The following PTPRN2 variants were observed in gnomAD, a reference collection of about 807,000 sequenced individuals.
The protein encoded by PTPRN2 is receptor-type tyrosine-protein phosphatase N2.
In PTPRN2, 74 loss-of-function variants were observed where a neutral mutation model predicts 118.8. That is an observed-to-expected ratio of 0.62 (90% CI 0.52 to 0.76). The LOEUF is 0.76. Among genes scored for constraint, PTPRN2 ranks in the 30% least tolerant of loss-of-function variants. The probability of loss-of-function intolerance (pLI) is 0.00; values close to 1 mark genes in which losing one functional copy is unlikely to be tolerated. For missense variants in PTPRN2, 1,481 were observed against 1,394.4 expected (o/e 1.06, Z -0.99); for synonymous variants, 641 against 608.0 (o/e 1.05, Z -0.80).
chr7:158,122,243 A>C (rs964191837), intron 9 of PTPRN2, among the ~76,000 whole-genome samples: 2 of 152,180 alleles, frequency 1.3e-5, no homozygotes, highest in African/African-American at 4.8e-5. Context: ...AGAGTCTTTC[A>C]GTTCTGAAGG....
At chr7:157,905,951 C>T (rs1357710571) in intron 11 of PTPRN2, among the ~76,000 whole-genome samples, 1 of 152,188 alleles carries the variant, frequency 6.6e-6, no homozygotes, top group Non-Finnish European at 1.5e-5. Context: ...AGACCTGCAT[C>T]CTGTGCCTCA....
At position 157,587,916 on chromosome 7, in the gene PTPRN2, G is replaced by A. The variant is rs1800767074; in HGVS notation, c.2496+7322C>T. Among the ~76,000 whole-genome samples the A allele has an allele frequency of 6.6e-6, 1 of 150,960 alleles. No homozygotes were observed. The highest frequency in any genetic ancestry group is 2.1e-4 in the South Asian group (1 of 4,736). Reference sequence around the variant, plus strand: ...CCAAGGTGGCTGTCCCCGTGCCTGGGCTCCCGCGGTGGCTGTCCCCGTGCC... The same window carrying A: ...CCAAGGTGGCTGTCCCCGTGCCTGGACTCCCGCGGTGGCTGTCCCCGTGCC... On this transcript the variant is annotated intron_variant, in intron 17 of 22. Coordinates refer to ENST00000389418, the MANE Select transcript of PTPRN2 (RefSeq NM_002847.5). This position sits in a 1 kb window ranked among gnomAD's most constrained non-coding sequence, Gnocchi z 5.3.
At chr7:157,692,647 G>A (rs757487589) in intron 12 of PTPRN2, among the ~76,000 whole-genome samples, 9 of 152,222 alleles carry the variant, frequency 5.9e-5, no homozygotes, top group Non-Finnish European at 1.3e-4. Flanking sequence ...GCCTCGCATC[G>A]GGCCATGGTT....
Position 157,787,971 on chromosome 7 carries a change from A to G in PTPRN2, c.1789-105034T>C, listed in dbSNP as rs1003100356. Among the ~76,000 whole-genome samples the G allele has an allele frequency of 1.3e-5, 2 of 152,170 alleles. No homozygotes were observed. Among genetic ancestry groups the G allele is most frequent in the South Asian group, 4.1e-4 (2 of 4,824 alleles). On this transcript the variant is annotated intron_variant, in intron 12 of 22. Coordinates refer to ENST00000389418, the MANE Select transcript of PTPRN2 (RefSeq NM_002847.5). The surrounding 1 kb of genome is among the most constrained non-coding windows in gnomAD (Gnocchi z 5.3). ...GGGAGCCAGCACCGGGTCCCCTGGG[A>G]ACCACGCAGCCGGGGCCTGGAGGCC...
intron 11 of PTPRN2, among the ~76,000 whole-genome samples, chr7:157,909,006 A>C (rs1353012099): frequency 6.6e-6 from 1 of 152,182 alleles, no homozygotes; most frequent in East Asian, 1.9e-4. Context: ...TAAACAATCT[A>C]ATTAGTGACT....
At chr7:158,326,715 C>T (rs1467741397) in intron 2 of PTPRN2, among the ~76,000 whole-genome samples, 2 of 151,478 alleles carry the variant, frequency 1.3e-5, no homozygotes, top group African/African-American at 4.9e-5. Context: ...CACACATGCT[C>T]TCACATGCAT....
At chr7:157,789,539 G>T (rs917646478) in intron 12 of PTPRN2, among the ~76,000 whole-genome samples, 1 of 152,260 alleles carries the variant, frequency 6.6e-6, no homozygotes, top group Non-Finnish European at 1.5e-5. Context: ...CTTCAAAAGT[G>T]TTACCTGACA....
chr7:158,541,529 G>A, intron 1 of PTPRN2: 1 of 1,352,130 alleles, frequency 7.4e-7, no homozygotes, highest in Non-Finnish European at 9.8e-7. Flanking sequence ...TGGGCAAGGT[G>A]TGGCTCACAC....
chr7:158,250,951 C>T (rs899943972), intron 3 of PTPRN2, among the ~76,000 whole-genome samples: 3 of 151,702 alleles, frequency 2.0e-5, no homozygotes, highest in Admixed American at 6.6e-5. Flanking sequence ...GGTGAAATTA[C>T]GCACAGTGAG....
chr7:158,582,796 CAAAAAAAA>C (rs1156687117), intron 1 of PTPRN2, among the ~76,000 whole-genome samples: 7 of 44,318 alleles, frequency 1.6e-4, no homozygotes, highest in Admixed American at 6.4e-4. Context: ...GACTCCATCT[CAAAAAAAA>C]AAAAAAAAAA....
Position 157,898,563 on chromosome 7 carries a change from G to A in PTPRN2, c.1788+110C>T. ...GCCCACTGGTCCTCCCAGGAAAACA[G>A]GACCTTGGCTGAATTAACCTGCAGG... On this transcript the variant is annotated intron_variant, in intron 12 of 22. Coordinates refer to ENST00000389418, the MANE Select transcript of PTPRN2 (RefSeq NM_002847.5). 4 of 1,145,826 alleles carry A rather than the reference G, an allele frequency of 3.5e-6. No homozygotes were observed. In the South Asian group the frequency reaches 3.9e-5, roughly 11 times the overall value. 71.0% of individuals were successfully genotyped at this position (1,145,826 alleles called of 1,614,324 possible).
Position 157,895,692 on chromosome 7 carries a change from A to G in PTPRN2, c.1788+2981T>C, listed in dbSNP as rs79960812. Among the ~76,000 whole-genome samples the G allele has an allele frequency of 0.011, 1,658 of 150,936 alleles. 144 individuals are homozygous for G. In the East Asian group the frequency reaches 0.23, roughly 21 times the overall value. On this transcript the variant is annotated intron_variant, in intron 12 of 22. Transcript: ENST00000389418. ...TGTCGTGTAGCATCGAGGGAGGGAGAGGTGAAGGCGCGACAGAGGGTGCTG... is the reference window on the plus strand; with the variant it reads ...TGTCGTGTAGCATCGAGGGAGGGAGGGGTGAAGGCGCGACAGAGGGTGCTG...
intron 12 of PTPRN2, among the ~76,000 whole-genome samples, chr7:157,848,576 A>T (rs1406281400): frequency 1.3e-5 from 2 of 152,272 alleles, no homozygotes; most frequent in African/African-American, 4.8e-5. Flanking sequence ...TGAGATGGGC[A>T]ACAGTTCCTG....
At chr7:158,139,501 G>GCA (rs1819175418) in intron 6 of PTPRN2, among the ~76,000 whole-genome samples, 1 of 151,148 alleles carries the variant, frequency 6.6e-6, no homozygotes, top group African/African-American at 2.5e-5. Flanking sequence ...ACGGGGGGGT[G>GCA]GGAAAGGAAC....
In PTPRN2 at chr7:157,629,392, A is replaced by G. The variant is rs1037319628; in HGVS notation, c.2197-7883T>C. The stretch of plus-strand genomic sequence containing the variant: ...GAAGTGAGATACTGAGAGGTGCAAG[A>G]TGATTTATTATTATTATTAAAAATA... On this transcript the variant is annotated intron_variant, in intron 14 of 22. Transcript: ENST00000389418. The surrounding 1 kb of genome is among the most constrained non-coding windows in gnomAD (Gnocchi z 4.4). Among the ~76,000 whole-genome samples the G allele has an allele frequency of 6.6e-6, 1 of 152,162 alleles. No individual in the cohort carries two copies. The highest frequency in any genetic ancestry group is 1.5e-5 in the Non-Finnish European group (1 of 68,036).
chr7:157,988,484 T>A (rs1471244411), intron 11 of PTPRN2, among the ~76,000 whole-genome samples: 1 of 152,182 alleles, frequency 6.6e-6, no homozygotes, highest in East Asian at 1.9e-4. Flanking sequence ...GTCTTTCACG[T>A]GCTGATAGAC....
intron 6 of PTPRN2, among the ~76,000 whole-genome samples, chr7:158,153,195 A>T (rs1404874731): frequency 6.6e-6 from 1 of 152,174 alleles, no homozygotes; most frequent in Non-Finnish European, 1.5e-5. Flanking sequence ...ACTCCAGGGG[A>T]AAATCATCTC....
At chr7:157,706,152 C>A (rs1439601517) in intron 12 of PTPRN2, among the ~76,000 whole-genome samples, 1 of 151,700 alleles carries the variant, frequency 6.6e-6, no homozygotes, top group African/African-American at 2.4e-5. Flanking sequence ...GCAAATCTGA[C>A]CCCAGCACCT....
rs191054605 is a variant in PTPRN2, at chr7:157,759,037, C to T, written c.1789-76100G>A. ...CACAAGTCACATCAAATAATTCCGA[C>T]GTTTCAAGAAAAAGGCAAGTGACTC... On this transcript the variant is annotated intron_variant, in intron 12 of 22. Transcript: ENST00000389418. 2.9e-3 allele frequency among the ~76,000 whole-genome samples: 449 copies of T among 152,306 alleles called. 1 individual carries two copies. Among genetic ancestry groups the T allele is most frequent in the South Asian group, 0.016 (75 of 4,826 alleles).
Sources: gnomAD v4.1 joint callset for allele counts (sites outside exome capture counted in the v4.1 genomes callset) on GRCh38, gnomAD v4.1.1 for gene constraint, Gnocchi (gnomAD v3.1) non-coding constraint, MANE v1.5 for transcripts, NCBI Gene and HGNC (gene_info 2026-07-23, HGNC 2026-07-21) for gene names.